Variants in ARFGEF3 observed in about 807,000 individuals in gnomAD.
ARFGEF3 encodes the protein brefeldin A-inhibited guanine nucleotide-exchange protein 3.
A neutral mutation model predicts 221.7 loss-of-function variants in ARFGEF3; 96 were observed. The observed-to-expected ratio is 0.43, with a 90% confidence interval of 0.37 to 0.51. The LOEUF is 0.51. ARFGEF3 is among the 20% of genes least tolerant of loss of function. ARFGEF3 has a pLI of 0.00. For missense variants in ARFGEF3, 2,410 were observed against 2,789.9 expected (o/e 0.86, Z 3.07); for synonymous variants, 1,145 against 1,126.8 (o/e 1.02, Z -0.32).
rs186416087 is a variant in ARFGEF3, at chr6:138,291,471, G to A, written c.3048-262G>A. Among the ~76,000 whole-genome samples, 8 of 152,254 alleles carry A rather than the reference G, an allele frequency of 5.3e-5. No individual in the cohort carries two copies. The East Asian group carries it at 1.2e-3, about 22-fold the overall frequency. ...CTGGATGAACTGGGCTTCATTGCCC[G>A]TCTTTCTCCCAGCCTGGGGTGGGAG... On this transcript the variant is annotated intron_variant, in intron 18 of 33. Transcript: ENST00000251691. This position sits in a 1 kb window ranked among gnomAD's most constrained non-coding sequence, Gnocchi z 4.5.
At chr6:138,331,377 T>G (rs1583071209) in intron 32 of ARFGEF3, among the ~76,000 whole-genome samples, 2 of 152,286 alleles carry the variant, frequency 1.3e-5, no homozygotes, top group East Asian at 3.8e-4. Flanking sequence ...ATTTGACTCT[T>G]ATTTGCAGGG....
At chr6:138,269,737 G>A (rs1444481523) in intron 12 of ARFGEF3, among the ~76,000 whole-genome samples, 3 of 152,116 alleles carry the variant, frequency 2.0e-5, no homozygotes, top group Non-Finnish European at 4.4e-5. Context: ...AACCCAGGAG[G>A]CGGAGGTGGC....
At chr6:138,225,163 C>T (rs1157519288) in intron 4 of ARFGEF3, among the ~76,000 whole-genome samples, 1 of 152,230 alleles carries the variant, frequency 6.6e-6, no homozygotes, top group Non-Finnish European at 1.5e-5. Context: ...TTATTAAGTG[C>T]CTGTTTTCTC....
chr6:138,284,133 C>T (rs1003376892), intron 14 of ARFGEF3, among the ~76,000 whole-genome samples: 1 of 152,032 alleles, frequency 6.6e-6, no homozygotes, highest in Non-Finnish European at 1.5e-5. Context: ...GGTGAAACCC[C>T]GTCTCTATTA....
chr6:138,336,310 G>A lies in ARFGEF3; in HGVS notation c.6358G>A (p.Val2120Met), dbSNP rs139482270. 7.6e-6 allele frequency: 12 copies of A among 1,588,624 alleles called. No homozygotes were observed. In the African/African-American group the frequency reaches 1.2e-4, roughly 16 times the overall value. The change falls in exon 34 of 34, where the codon GTG (valine) becomes ATG (methionine). Residue 2120 changes from valine to methionine, a missense_variant. Physicochemically the swap from Val to Met is conservative, Grantham distance 21. Coordinates refer to ENST00000251691, the MANE Select transcript of ARFGEF3 (RefSeq NM_020340.5). ...EAQIQAWTNM[V>M]LTVLNQIQIL... The stretch of plus-strand genomic sequence containing the variant: ...TTTCTCTTAGGCATGGACCAACATG[G>A]TGCTAACAGTTCTCAATCAGATTCA...
At chr6:138,272,787 AGTGCTCTT>A (rs774506346) in intron 12 of ARFGEF3, among the ~76,000 whole-genome samples, 1 of 152,254 alleles carries the variant, frequency 6.6e-6, no homozygotes, top group Non-Finnish European at 1.5e-5. Flanking sequence ...TGGGTGTAAG[AGTGCTCTT>A]GTGCACAGTT....
rs78424390 is a variant in ARFGEF3, at chr6:138,333,151, C to T, written c.5124-819C>T. The stretch of plus-strand genomic sequence containing the variant: ...AGTGAAAAGAAATGAAACTGTAAAC[C>T]AAAACCACATTGGCAAATTAAAAAG... On this transcript the variant is annotated intron_variant, in intron 32 of 33. Transcript: ENST00000251691. Among the ~76,000 whole-genome samples, 33 of 152,172 alleles carry T rather than the reference C, an allele frequency of 2.2e-4. No individual in the cohort carries two copies. The East Asian group carries it at 6.2e-3, about 28-fold the overall frequency.
At chr6:138,306,434 G>T (rs1000115036) in intron 22 of ARFGEF3, among the ~76,000 whole-genome samples, 31 of 152,106 alleles carry the variant, frequency 2.0e-4, no homozygotes, top group African/African-American at 7.2e-4. Context: ...AATCCAAGCA[G>T]ACCTTTTTGA....
intron 4 of ARFGEF3, among the ~76,000 whole-genome samples, chr6:138,212,208 A>G (rs1221610014): frequency 6.6e-6 from 1 of 152,234 alleles, no homozygotes; most frequent in Non-Finnish European, 1.5e-5. Context: ...GTGACAGCAC[A>G]TAATAGCCAC....
intron 14 of ARFGEF3, among the ~76,000 whole-genome samples, chr6:138,280,997 A>G (rs563105615): frequency 3.3e-5 from 5 of 152,228 alleles, no homozygotes; most frequent in African/African-American, 1.2e-4. Flanking sequence ...TTAAGAAAAT[A>G]TTTATTCAGG....
At chr6:138,185,305 G>T (rs930681178) in intron 2 of ARFGEF3, among the ~76,000 whole-genome samples, 1 of 152,212 alleles carries the variant, frequency 6.6e-6, no homozygotes, top group East Asian at 1.9e-4. Flanking sequence ...GGGCCTCCTG[G>T]CTGTGTTAAG....
intron 10 of ARFGEF3, among the ~76,000 whole-genome samples, chr6:138,256,496 G>A (rs116043461): frequency 0.01 from 1,521 of 151,876 alleles, 23 homozygotes; most frequent in African/African-American, 0.034. Flanking sequence ...AAATTCCCTT[G>A]TTGATGATTA....
intron 3 of ARFGEF3, among the ~76,000 whole-genome samples, chr6:138,208,484 G>T (rs1379776834): frequency 3.3e-5 from 5 of 152,182 alleles, no homozygotes; most frequent in African/African-American, 1.2e-4. Flanking sequence ...GAAGGTAAAA[G>T]AGGGAGTTAT....
chr6:138,222,743 T>G (rs1778003634), intron 4 of ARFGEF3, among the ~76,000 whole-genome samples: 1 of 152,184 alleles, frequency 6.6e-6, no homozygotes, highest in South Asian at 2.1e-4. Context: ...TTCAATAGCT[T>G]TAGGGGTACA....
intron 10 of ARFGEF3, among the ~76,000 whole-genome samples, chr6:138,257,664 T>C (rs1256753705): frequency 6.6e-6 from 1 of 152,124 alleles, no homozygotes; most frequent in Admixed American, 6.5e-5. Context: ...GACTCTCACA[T>C]TGCAGCGCAA....
At chr6:138,301,346 A>G (rs6930274) in intron 22 of ARFGEF3, among the ~76,000 whole-genome samples, 8,578 of 152,308 alleles carry the variant, frequency 0.056, 691 homozygotes, top group African/African-American at 0.18. Flanking sequence ...CTTCCTTGAC[A>G]AAGACTGAAG....
intron 4 of ARFGEF3, among the ~76,000 whole-genome samples, chr6:138,224,429 C>T (rs1355188525): frequency 1.3e-5 from 2 of 152,188 alleles, no homozygotes; most frequent in Middle Eastern, 3.2e-3. Context: ...TACTTGGTTA[C>T]AAAAACTGCC....
intron 1 of ARFGEF3, among the ~76,000 whole-genome samples, chr6:138,169,744 G>A (rs1776790898): frequency 6.6e-6 from 1 of 152,170 alleles, no homozygotes; most frequent in Non-Finnish European, 1.5e-5. Flanking sequence ...CTGTTTTGCT[G>A]ATTAATTGTC....
intron 12 of ARFGEF3, among the ~76,000 whole-genome samples, chr6:138,271,478 C>T (rs1779001994): frequency 6.6e-6 from 1 of 152,072 alleles, no homozygotes; most frequent in Admixed American, 6.6e-5. Flanking sequence ...ATATGCCCTG[C>T]ATTGTCTAAA....
Sources: gnomAD v4.1 joint callset for allele counts (sites outside exome capture counted in the v4.1 genomes callset) on GRCh38, gnomAD v4.1.1 for gene constraint, Gnocchi (gnomAD v3.1) non-coding constraint, MANE v1.5 for transcripts, NCBI Gene and HGNC (gene_info 2026-07-23, HGNC 2026-07-21) for gene names.